Variants in PTPRT observed in about 807,000 individuals in gnomAD.
The protein encoded by PTPRT is protein tyrosine phosphatase receptor type T, also known as receptor-type tyrosine-protein phosphatase T.
Under a neutral mutation model 176.8 loss-of-function variants are expected in PTPRT, and 56 were observed. That is an observed-to-expected ratio of 0.32 (90% CI 0.26 to 0.40). The LOEUF is 0.40. Among genes scored for constraint, PTPRT ranks in the 10% least tolerant of loss-of-function variants. The pLI, the probability that PTPRT is intolerant of heterozygous loss-of-function variation, is 1.00. For missense variants in PTPRT, 1,540 were observed against 1,908.2 expected (o/e 0.81, Z 3.60); for synonymous variants, 783 against 739.0 (o/e 1.06, Z -0.96).
At chr20:42,110,612 T>TTAA (rs1433583792) in intron 22 of PTPRT, 125 bp from the exon 23 acceptor site, 2 of 984,630 alleles carry the variant, frequency 2.0e-6, no homozygotes, top group Admixed American at 2.8e-5. Flanking sequence ...ACAGTGTTTG[T>TTAA]TAATAGGTGT....
chr20:42,436,800 GA>G (rs1384648669), intron 9 of PTPRT, among the ~76,000 whole-genome samples: 1 of 152,200 alleles, frequency 6.6e-6, no homozygotes, highest in African/African-American at 2.4e-5. Flanking sequence ...GATCATGAGT[GA>G]AAGTTTTGTA....
At chr20:42,403,281 C>A (rs901831328) in intron 9 of PTPRT, among the ~76,000 whole-genome samples, 1 of 152,156 alleles carries the variant, frequency 6.6e-6, no homozygotes, top group African/African-American at 2.4e-5. Context: ...CAAATACCAT[C>A]ATTTACCTAA....
chr20:42,139,986 C>T (rs1434011602), intron 18 of PTPRT, among the ~76,000 whole-genome samples: 1 of 152,248 alleles, frequency 6.6e-6, no homozygotes, highest in Non-Finnish European at 1.5e-5. Context: ...TCTGAATTAC[C>T]ATCTTCCAAG....
At chr20:42,062,081 C>T in the PTPRT span, among the ~76,000 whole-genome samples, 1 of 152,262 alleles carries the variant, frequency 6.6e-6, no homozygotes, top group Admixed American at 6.5e-5. Flanking sequence ...CTACAGGTAT[C>T]CGCAGGTAGG....
chr20:42,736,932 T>C lies in PTPRT; in HGVS notation c.859+19530A>G, dbSNP rs145263385. Among the ~76,000 whole-genome samples, 9 of 152,310 alleles carry C rather than the reference T, an allele frequency of 5.9e-5. No individual in the cohort carries two copies. The East Asian group carries it at 1.7e-3, about 29-fold the overall frequency. ...ACACCTGGGAAGGTGCAGACCTCTG[T>C]ATGGGCATAAAAGGAGGCGTCTGAA... On this transcript the variant is annotated intron_variant, in intron 6 of 30. Transcript: ENST00000373187.
the PTPRT span, among the ~76,000 whole-genome samples, chr20:42,048,903 C>T: frequency 0.011 from 1,642 of 152,264 alleles, 9 homozygotes; most frequent in South Asian, 0.022. Context: ...CTCACTGCAA[C>T]CTCTGCCTCC....
chr20:42,632,682 T>C (rs1036686468), intron 7 of PTPRT, among the ~76,000 whole-genome samples: 15 of 149,514 alleles, frequency 1.0e-4, no homozygotes, highest in Non-Finnish European at 1.8e-4. Flanking sequence ...TATTTTACTA[T>C]ATTTATTAAT....
chr20:42,743,434 G>A (rs1035574747), intron 6 of PTPRT, among the ~76,000 whole-genome samples: 5 of 152,218 alleles, frequency 3.3e-5, no homozygotes, highest in African/African-American at 1.2e-4. Context: ...AGGTGGGAAA[G>A]CAGAGATTTT....
chr20:42,238,177 A>G (rs1005823672), intron 14 of PTPRT, among the ~76,000 whole-genome samples: 12 of 152,230 alleles, frequency 7.9e-5, no homozygotes, highest in Non-Finnish European at 1.3e-4. Flanking sequence ...TAACCAGTGC[A>G]TGATAGAGGC....
At chr20:42,235,615 G>A (rs1186492485) in intron 15 of PTPRT, among the ~76,000 whole-genome samples, 1 of 152,020 alleles carries the variant, frequency 6.6e-6, no homozygotes, top group Non-Finnish European at 1.5e-5. Flanking sequence ...CAAAAAAATG[G>A]ATAAGCAAGC....
At chr20:43,000,702 G>C (rs1418315456) in intron 1 of PTPRT, among the ~76,000 whole-genome samples, 7 of 151,862 alleles carry the variant, frequency 4.6e-5, no homozygotes, top group Non-Finnish European at 7.4e-5. Context: ...AGCAACCCAG[G>C]AGACAATATT....
intron 12 of PTPRT, among the ~76,000 whole-genome samples, chr20:42,294,316 A>G (rs1274921715): frequency 6.6e-6 from 1 of 152,220 alleles, no homozygotes; most frequent in East Asian, 1.9e-4. Context: ...TCAAGGTGGT[A>G]GTGTTCAACA....
intron 17 of PTPRT, among the ~76,000 whole-genome samples, chr20:42,146,087 A>C (rs932090176): frequency 6.6e-6 from 1 of 152,162 alleles, no homozygotes; most frequent in Non-Finnish European, 1.5e-5. Flanking sequence ...TAGGTGGAAG[A>C]TGCTTCTAGC....
At chr20:42,879,080 T>C (rs1032592612) in intron 2 of PTPRT, among the ~76,000 whole-genome samples, 1 of 152,132 alleles carries the variant, frequency 6.6e-6, no homozygotes, top group African/African-American at 2.4e-5. Flanking sequence ...TTCCAATACT[T>C]ACAGAGCTCG....
At chr20:42,286,058 C>G (rs1018221545) in intron 12 of PTPRT, among the ~76,000 whole-genome samples, 1 of 151,692 alleles carries the variant, frequency 6.6e-6, no homozygotes, top group Non-Finnish European at 1.5e-5. Context: ...ACAAGAAAAA[C>G]CAAAAATACT....
At position 42,691,748 on chromosome 20, in the gene PTPRT, G is replaced by A. The variant is rs375438227; in HGVS notation, c.860-13589C>T. On this transcript the variant is annotated intron_variant, in intron 6 of 30. Coordinates refer to ENST00000373187, the MANE Select transcript of PTPRT (RefSeq NM_007050.6). ...CTTCGAAACAACACAATTCTGCAAG[G>A]TCCCATAGACCTCTGTCCCTGTCTC... Among the ~76,000 whole-genome samples the A allele has an allele frequency of 9.2e-5, 14 of 152,198 alleles. No homozygotes were observed. In the East Asian group the frequency reaches 2.3e-3, roughly 25 times the overall value.
chr20:42,440,622 T>C lies in PTPRT; in HGVS notation c.1560+7598A>G, dbSNP rs975269132. On this transcript the variant is annotated intron_variant, in intron 9 of 30. Coordinates refer to ENST00000373187, the MANE Select transcript of PTPRT (RefSeq NM_007050.6). ...CCTCCCGAGTAGCTGGGACTACAGGTGCCCGCCACCACACCCAGCTAATTT... is the reference window on the plus strand; with the variant it reads ...CCTCCCGAGTAGCTGGGACTACAGGCGCCCGCCACCACACCCAGCTAATTT... Among the ~76,000 whole-genome samples, 7 of 151,896 alleles carry C rather than the reference T, an allele frequency of 4.6e-5. No homozygotes were observed. In the East Asian group the frequency reaches 5.9e-4, roughly 13 times the overall value.
At chr20:42,712,787 T>C (rs998078597) in intron 6 of PTPRT, among the ~76,000 whole-genome samples, 1 of 152,234 alleles carries the variant, frequency 6.6e-6, no homozygotes, top group African/African-American at 2.4e-5. Flanking sequence ...CTAGGAATTA[T>C]GCTAAAGATA....
chr20:42,273,067 C>T (rs2056966706), intron 13 of PTPRT, among the ~76,000 whole-genome samples: 1 of 152,202 alleles, frequency 6.6e-6, no homozygotes, highest in Middle Eastern at 3.2e-3. Context: ...GCCTTGACGA[C>T]AGCCCTTATT....
Sources: gnomAD v4.1 joint callset for allele counts (sites outside exome capture counted in the v4.1 genomes callset) on GRCh38, gnomAD v4.1.1 for gene constraint, MANE v1.5 for transcripts, NCBI Gene and HGNC (gene_info 2026-07-23, HGNC 2026-07-21) for gene names.